LRRTM4: variants seen among roughly 807,000 people sequenced by gnomAD.
The protein encoded by LRRTM4 is leucine rich repeat transmembrane neuronal 4.
A neutral mutation model predicts 47.6 loss-of-function variants in LRRTM4; 25 were observed. That is an observed-to-expected ratio of 0.53 (90% CI 0.38 to 0.73). The LOEUF (loss-of-function observed/expected upper bound fraction) is 0.73, where lower values mean the gene tolerates loss of function less well. LRRTM4 is among the 30% of genes least tolerant of loss of function. The probability of loss-of-function intolerance (pLI) is 0.00; values close to 1 mark genes in which losing one functional copy is unlikely to be tolerated. For synonymous variants in LRRTM4, 311 were observed against 269.5 expected (o/e 1.15, Z -1.51); for missense variants, 638 against 713.4 (o/e 0.89, Z 1.20).
intron 3 of LRRTM4, among the ~76,000 whole-genome samples, chr2:77,462,365 C>G (rs1676821626): frequency 6.6e-6 from 1 of 152,108 alleles, no homozygotes; most frequent in African/African-American, 2.4e-5. Flanking sequence ...TCTGGATAGT[C>G]TTCCATCACA....
intron 3 of LRRTM4, among the ~76,000 whole-genome samples, chr2:76,972,321 T>C (rs1329697778): frequency 6.6e-6 from 1 of 151,854 alleles, no homozygotes; most frequent in South Asian, 2.1e-4. Flanking sequence ...TCTTCATATA[T>C]GCAAGCTCCT....
chr2:77,255,013 G>A (rs1025341982), intron 3 of LRRTM4, among the ~76,000 whole-genome samples: 1 of 151,732 alleles, frequency 6.6e-6, no homozygotes, highest in East Asian at 1.9e-4. Context: ...ATTTAAAAAT[G>A]TGATGCTACT....
chr2:76,989,094 AT>A (rs1340714129), intron 3 of LRRTM4, among the ~76,000 whole-genome samples: 9 of 151,856 alleles, frequency 5.9e-5, no homozygotes, highest in African/African-American at 2.2e-4. Flanking sequence ...AGGCAATACA[AT>A]TTCTACATAT....
chr2:77,093,196 T>C (rs1006360235), intron 3 of LRRTM4, among the ~76,000 whole-genome samples: 28 of 147,330 alleles, frequency 1.9e-4, no homozygotes, highest in African/African-American at 6.6e-4. Flanking sequence ...TTACACTGTT[T>C]TTCCAAGCCA....
rs571667286 is a variant in LRRTM4 at position 77,443,842 on chromosome 2, A to G, written c.1551+74476T>C. Among the ~76,000 whole-genome samples the G allele has an allele frequency of 3.0e-4, 45 of 152,280 alleles. 1 individual carries two copies. Among genetic ancestry groups the G allele is most frequent in the African/African-American group, 1.1e-3 (45 of 41,580 alleles). The stretch of plus-strand genomic sequence containing the variant: ...TTAAATGTTTTCACCAAACTGATTT[A>G]TATCTATGGCAGTATCAGGCAGCCA... On this transcript the variant is annotated intron_variant, in intron 3 of 3. Coordinates refer to ENST00000409884, the MANE Select transcript of LRRTM4 (RefSeq NM_001134745.3).
At chr2:77,457,899 C>T (rs1676622955) in intron 3 of LRRTM4, among the ~76,000 whole-genome samples, 1 of 152,136 alleles carries the variant, frequency 6.6e-6, no homozygotes, top group African/African-American at 2.4e-5. Context: ...TCACCCTGCA[C>T]TGCTGCCACA....
At chr2:76,888,291 A>AC (rs1673142399) in intron 3 of LRRTM4, among the ~76,000 whole-genome samples, 1 of 151,372 alleles carries the variant, frequency 6.6e-6, no homozygotes, top group Admixed American at 6.6e-5. Context: ...TGGTATACTA[A>AC]TATGTAATTA....
chr2:76,756,619 A>G (rs922586268), intron 3 of LRRTM4, among the ~76,000 whole-genome samples: 2 of 152,106 alleles, frequency 1.3e-5, no homozygotes, highest in African/African-American at 4.8e-5. Context: ...ATCTGCCTTC[A>G]CCTGTAGCAG....
At chr2:76,848,107 T>G (rs62173098) in intron 3 of LRRTM4, among the ~76,000 whole-genome samples, 20,858 of 152,094 alleles carry the variant, frequency 0.14, 1,823 homozygotes, top group Admixed American at 0.2. Context: ...TTCCCTTAGA[T>G]TCTTTGTGTG....
At chr2:77,150,613 T>A (rs1222074727) in intron 3 of LRRTM4, among the ~76,000 whole-genome samples, 1 of 152,166 alleles carries the variant, frequency 6.6e-6, no homozygotes, top group Non-Finnish European at 1.5e-5. Context: ...ATATATGATA[T>A]ATATTCACAC....
rs535334767 is a variant in LRRTM4, at chr2:76,960,090, A to C, written c.1552-211174T>G. On this transcript the variant is annotated intron_variant, in intron 3 of 3. Transcript: ENST00000409884. ...AATGGAAACCAACTCAAGGTCTCCC[A>C]GTAGGACTGCCTACACCACATCTTT... Among the ~76,000 whole-genome samples, 20 of 151,750 alleles carry C rather than the reference A, an allele frequency of 1.3e-4. No homozygotes were observed. The South Asian group carries it at 3.5e-3, about 27-fold the overall frequency.
intron 3 of LRRTM4, among the ~76,000 whole-genome samples, chr2:77,494,453 C>G (rs1272810860): frequency 6.6e-6 from 1 of 151,808 alleles, no homozygotes; most frequent in Non-Finnish European, 1.5e-5. Flanking sequence ...ATCCAGTTCC[C>G]CAACATTTAG....
chr2:76,852,967 A>G (rs1168375690), intron 3 of LRRTM4, among the ~76,000 whole-genome samples: 1 of 152,138 alleles, frequency 6.6e-6, no homozygotes, highest in Non-Finnish European at 1.5e-5. Flanking sequence ...ATATTCAAAC[A>G]GGCACAAGTA....
At chr2:77,466,080 A>G (rs956341380) in intron 3 of LRRTM4, among the ~76,000 whole-genome samples, 11 of 152,210 alleles carry the variant, frequency 7.2e-5, no homozygotes, top group African/African-American at 2.7e-4. Flanking sequence ...TCTTTGTTTT[A>G]GAGAGAAACA....
At chr2:77,019,747 T>A (rs529927177) in intron 3 of LRRTM4, among the ~76,000 whole-genome samples, 1 of 152,208 alleles carries the variant, frequency 6.6e-6, no homozygotes, top group Non-Finnish European at 1.5e-5. Context: ...TAATGATACT[T>A]ATTATGTAGC....
chr2:77,517,984 A>G, intron 3 of LRRTM4: 1 of 1,034,628 alleles, frequency 9.7e-7, no homozygotes, highest in Non-Finnish European at 1.2e-6. Context: ...AGAACCAGAC[A>G]GAAATTTCAG....
intron 3 of LRRTM4, among the ~76,000 whole-genome samples, chr2:76,791,488 A>G (rs1674969590): frequency 6.6e-6 from 1 of 152,182 alleles, no homozygotes; most frequent in African/African-American, 2.4e-5. Context: ...CTGAGAAACA[A>G]CAAGGAAGAC....
At chr2:77,116,781 T>G (rs140816370) in intron 3 of LRRTM4, among the ~76,000 whole-genome samples, 1 of 152,244 alleles carries the variant, frequency 6.6e-6, no homozygotes, top group Non-Finnish European at 1.5e-5. Flanking sequence ...AACCTCCCTT[T>G]CTGTTTTCAA....
chr2:77,102,468 T>G (rs1213136831), intron 3 of LRRTM4, among the ~76,000 whole-genome samples: 1 of 152,234 alleles, frequency 6.6e-6, no homozygotes, highest in Non-Finnish European at 1.5e-5. Flanking sequence ...CAGATTCCCT[T>G]GTTGAAAACA....
Sources: allele counts gnomAD v4.1 joint callset (sites outside exome capture counted in the v4.1 genomes callset), GRCh38; gene constraint gnomAD v4.1.1; transcripts MANE v1.5; gene names NCBI Gene and HGNC (gene_info 2026-07-23, HGNC 2026-07-21).